The following SPTLC1 variants were observed in gnomAD, a reference collection of about 807,000 sequenced individuals.
SPTLC1 encodes the protein serine palmitoyltransferase long chain base subunit 1, also known as serine palmitoyltransferase 1.
Under a neutral mutation model 68.9 loss-of-function variants are expected in SPTLC1, and 55 were observed. That is an observed-to-expected ratio of 0.80 (90% CI 0.64 to 1.00). The LOEUF (loss-of-function observed/expected upper bound fraction) is 1.00, where lower values mean the gene tolerates loss of function less well. Among genes scored for constraint, SPTLC1 ranks in the 50% least tolerant of loss-of-function variants. The pLI, the probability that SPTLC1 is intolerant of heterozygous loss-of-function variation, is 0.00. For synonymous variants in SPTLC1, 197 were observed against 201.6 expected, an observed-to-expected ratio of 0.98 and a Z score of 0.19; for missense variants, 449 against 573.1, an observed-to-expected ratio of 0.78 and a Z score of 2.21.
intron 3 of SPTLC1, among the ~76,000 whole-genome samples, chr9:92,090,919 G>A (rs1325528625): frequency 2.0e-5 from 3 of 152,074 alleles, no homozygotes; most frequent in Non-Finnish European, 4.4e-5. Flanking sequence ...ACACCTCAAG[G>A]ACAGAACACA....
chr9:92,064,135 T>A (rs540983953), intron 6 of SPTLC1, among the ~76,000 whole-genome samples: 3 of 152,184 alleles, frequency 2.0e-5, no homozygotes, highest in Non-Finnish European at 4.4e-5. Context: ...GCTAATTAAG[T>A]GAGTTTGGCA....
chr9:92,085,537 T>C (rs1289983780), intron 3 of SPTLC1, among the ~76,000 whole-genome samples: 1 of 151,000 alleles, frequency 6.6e-6, no homozygotes, highest in Non-Finnish European at 1.5e-5. Flanking sequence ...TCAGTTTCCA[T>C]GTAGTTGAGC....
chr9:92,036,149 C>A (rs1044176309), intron 13 of SPTLC1, among the ~76,000 whole-genome samples: 24 of 152,274 alleles, frequency 1.6e-4, no homozygotes, highest in South Asian at 8.3e-4. Context: ...TGTATTTTTT[C>A]TATCAATGAA....
intron 3 of SPTLC1, among the ~76,000 whole-genome samples, chr9:92,092,080 A>G (rs1835382408): frequency 6.6e-6 from 1 of 152,240 alleles, no homozygotes; most frequent in South Asian, 2.1e-4. Flanking sequence ...TTTCTTTCTC[A>G]TTCATTTACA....
intron 7 of SPTLC1, 79 bp from the exon 8 acceptor site, chr9:92,055,573 C>T: frequency 7.3e-7 from 1 of 1,371,712 alleles, no homozygotes; most frequent in Non-Finnish European, 1.0e-6. Context: ...CCAGCACTTT[C>T]ACCTTACAAG....
At chr9:92,061,601 G>C (rs987986204) in intron 6 of SPTLC1, among the ~76,000 whole-genome samples, 2 of 152,176 alleles carry the variant, frequency 1.3e-5, no homozygotes, top group Non-Finnish European at 2.9e-5. Context: ...AAATACACTA[G>C]GCTTTTTTTC....
In SPTLC1 at chr9:92,059,231, T is replaced by C; in HGVS notation, c.638A>G (p.Asp213Gly). The change falls in exon 7 of 15, where the codon GAC (aspartate) becomes GGC (glycine). Residue 213 changes from aspartate (D) to glycine (G), a missense_variant. By Grantham distance (94) the Asp-to-Gly change is moderately conservative. Transcript: ENST00000262554. ...TAGTAGTCGCTCGAGGTCAGCCATGTCATTATGCTTAAATAACTTAATGTC... is the reference window on the plus strand; with the variant it reads ...TAGTAGTCGCTCGAGGTCAGCCATGCCATTATGCTTAAATAACTTAATGTC... Reference protein sequence around the residue: ...RSDIKLFKHNDMADLERLLKE... With the variant: ...RSDIKLFKHNGMADLERLLKE... The C allele has an allele frequency of 6.2e-7, 1 of 1,614,084 alleles. No homozygotes were observed. The highest frequency in any genetic ancestry group is 2.2e-5 in the East Asian group (1 of 44,858).
chr9:92,102,574 A>G (rs913964396), intron 3 of SPTLC1, among the ~76,000 whole-genome samples: 21 of 152,222 alleles, frequency 1.4e-4, no homozygotes, highest in African/African-American at 4.8e-4. Context: ...TTCGTGTGTG[A>G]TCAAAATTTT....
chr9:92,086,562 A>G (rs1835142382), intron 3 of SPTLC1, among the ~76,000 whole-genome samples: 1 of 152,208 alleles, frequency 6.6e-6, no homozygotes, highest in Non-Finnish European at 1.5e-5. Context: ...AGAATGTTGA[A>G]TATTGGTCCC....
chr9:92,044,148 G>A (rs920330712), intron 12 of SPTLC1, among the ~76,000 whole-genome samples: 18 of 152,212 alleles, frequency 1.2e-4, no homozygotes, highest in East Asian at 1.9e-4. Flanking sequence ...GTGGTGATAC[G>A]AAGCTGGGAG....
At chr9:92,053,577 T>G (rs1035684132) in intron 8 of SPTLC1, among the ~76,000 whole-genome samples, 2 of 152,214 alleles carry the variant, frequency 1.3e-5, no homozygotes, top group Non-Finnish European at 2.9e-5. Context: ...GGACTATAAC[T>G]CAGCATTAAA....
In SPTLC1 at chr9:92,038,422, C is replaced by A. The variant is rs546608786; in HGVS notation, c.1137-57G>T. 11 of 1,134,146 alleles carry A rather than the reference C, an allele frequency of 9.7e-6. No individual in the cohort carries two copies. The African/African-American group carries it at 1.4e-4, about 14-fold the overall frequency. 70.3% of individuals were successfully genotyped at this position (1,134,146 alleles called of 1,614,324 possible). On this transcript the variant is annotated intron_variant, in intron 12 of 14. Transcript: ENST00000262554. ...GTCCCTTCCAGGCTTGAAGATCGCT[C>A]ACGGAGAAATAATGTTAGAAGTCCA...
In SPTLC1 at chr9:92,080,946, G is replaced by A; in HGVS notation, c.278C>T (p.Thr93Ile). The A allele has an allele frequency of 6.2e-7, 1 of 1,614,044 alleles. No homozygotes were observed. Among genetic ancestry groups the A allele is most frequent in the East Asian group, 2.2e-5 (1 of 44,886 alleles). ...TATACATTCTTTTCCATTCACCACA[G>A]TTTTGTGGCTTGGAGGGCTAGGGAA... ...NIVSGPPSHK[T>I]VVNGKECINF... is the part of the protein sequence containing the mutation. The change falls in exon 4 of 15, where the codon ACT becomes ATT. Residue 93 changes from threonine to isoleucine, a missense_variant. By Grantham distance (89) the Thr-to-Ile change is moderately conservative. Around this residue, in one of 3 missense-constraint regions of SPTLC1, gnomAD observed 391 missense variants for 472.1 expected, o/e 0.83. Transcript: ENST00000262554.
At chr9:92,097,948 C>T (rs191475710) in intron 3 of SPTLC1, among the ~76,000 whole-genome samples, 5 of 152,252 alleles carry the variant, frequency 3.3e-5, no homozygotes, top group Admixed American at 2.6e-4. Context: ...TAAGTTAATT[C>T]GCTTACTCTT....
At chr9:92,102,147 G>A (rs1398646953) in intron 3 of SPTLC1, among the ~76,000 whole-genome samples, 2 of 152,212 alleles carry the variant, frequency 1.3e-5, no homozygotes, top group African/African-American at 2.4e-5. Context: ...AAGTGCTAAT[G>A]AGAAATCAGT....
rs34023780 is a variant in SPTLC1, at chr9:92,114,180, G to A, written c.57+1134C>T. On this transcript the variant is annotated intron_variant, in intron 1 of 14. Transcript: ENST00000262554. ...AGCTACTCGGGAGTCTGAGGTGGGA[G>A]GATCGCTTGAGTCTGGGAGGTCAAC... is the stretch of plus-strand genomic sequence containing the variant. Among the ~76,000 whole-genome samples the A allele has an allele frequency of 1.6e-3, 238 of 152,196 alleles. 4 individuals are homozygous for A. Among genetic ancestry groups the A allele is most frequent in the Non-Finnish European group, 1.8e-3 (122 of 68,004 alleles).
chr9:92,112,944 T>C (rs1287340853), intron 1 of SPTLC1, among the ~76,000 whole-genome samples: 1 of 151,886 alleles, frequency 6.6e-6, no homozygotes, highest in Non-Finnish European at 1.5e-5. Flanking sequence ...CCTGTCTCTA[T>C]TAAAAATACA....
intron 12 of SPTLC1, among the ~76,000 whole-genome samples, chr9:92,041,464 TATAG>T (rs1833347685): frequency 6.6e-6 from 1 of 151,856 alleles, no homozygotes. Context: ...GTTAAAATAA[TATAG>T]ATATATGAGA....
In SPTLC1 at chr9:92,031,415, C is replaced by T. The variant is rs2118309029; in HGVS notation, c.*1050G>A. On this transcript the variant is annotated 3_prime_UTR_variant, in exon 15 of 15. Transcript: ENST00000262554. ...GGAATGATGGCATAATATTTATATG[C>T]TATATTGTGGCACGTATAACAAACC... The T allele has an allele frequency of 6.6e-6, 1 of 152,340 alleles. No homozygotes were observed. The highest frequency in any genetic ancestry group is 2.4e-5 in the African/African-American group (1 of 41,526). The allele number at this position is 152,340 out of a possible 1,614,324, so 9.4% of individuals were successfully genotyped here. A position where few individuals can be genotyped will look rare whatever the true frequency, so the allele number is the denominator to read the frequency against.
Sources: gnomAD v4.1 joint callset for allele counts (sites outside exome capture counted in the v4.1 genomes callset) on GRCh38, gnomAD v4.1.1 for gene constraint, gnomAD v4.1.1 regional missense constraint, MANE v1.5 for transcripts, NCBI Gene and HGNC (gene_info 2026-07-23, HGNC 2026-07-21) for gene names.